Variants in AUTS2 observed in about 807,000 individuals in gnomAD.
The protein encoded by AUTS2 is autism susceptibility gene 2 protein.
A neutral mutation model predicts 112.4 loss-of-function variants in AUTS2; 17 were observed. The ratio of observed to expected loss-of-function variants is 0.15; its 90% CI spans 0.10 to 0.23. The LOEUF (loss-of-function observed/expected upper bound fraction) is 0.23, where lower values mean the gene tolerates loss of function less well. Among genes scored for constraint, AUTS2 ranks in the 10% least tolerant of loss-of-function variants. The probability of loss-of-function intolerance (pLI) is 1.00; values close to 1 mark genes in which losing one functional copy is unlikely to be tolerated. For synonymous variants in AUTS2, 751 were observed against 702.7 expected, an observed-to-expected ratio of 1.07 and a Z score of -1.09; for missense variants, 1,510 against 1,701.6, an observed-to-expected ratio of 0.89 and a Z score of 1.98.
intron 17 of AUTS2, 33 bp downstream of exon 17, chr7:70,786,071 G>A (rs866210744): frequency 2.5e-6 from 4 of 1,581,026 alleles, no homozygotes; most frequent in Middle Eastern, 3.3e-4. Context: ...AATCTGCCTT[G>A]GACTTTTTAT....
intron 4 of AUTS2, among the ~76,000 whole-genome samples, chr7:70,139,362 G>A (rs543384480): frequency 6.6e-6 from 1 of 152,226 alleles, no homozygotes; most frequent in South Asian, 2.1e-4. Context: ...AGTGGTGCTT[G>A]CGGCTGCAAC....
chr7:70,752,364 C>A (rs188051518), intron 6 of AUTS2, among the ~76,000 whole-genome samples: 36 of 152,238 alleles, frequency 2.4e-4, no homozygotes, highest in Non-Finnish European at 1.5e-4. Flanking sequence ...ATCCTTCATA[C>A]CTTATTTCTC....
chr7:69,762,406 C>A (rs1354166927), intron 1 of AUTS2, among the ~76,000 whole-genome samples: 2 of 145,306 alleles, frequency 1.4e-5, no homozygotes, highest in Non-Finnish European at 3.0e-5. Context: ...TCCCTGGCTC[C>A]AGTGATCCTT....
chr7:70,511,096 G>T (rs1258960591), intron 5 of AUTS2, among the ~76,000 whole-genome samples: 1 of 152,034 alleles, frequency 6.6e-6, no homozygotes, highest in Admixed American at 6.6e-5. Flanking sequence ...TTATCTGCCC[G>T]CCTCAGCCTC....
chr7:70,073,493 A>G (rs1584678373), intron 2 of AUTS2, among the ~76,000 whole-genome samples: 1 of 150,670 alleles, frequency 6.6e-6, no homozygotes, highest in South Asian at 2.1e-4. Context: ...CCTGGGTGAC[A>G]AAGTGAGACC....
intron 4 of AUTS2, among the ~76,000 whole-genome samples, chr7:70,409,039 A>C (rs185971360): frequency 1.4e-3 from 214 of 152,348 alleles, no homozygotes; most frequent in African/African-American, 5.0e-3. Flanking sequence ...GGCACGTCAC[A>C]TGAAGGAACA....
intron 2 of AUTS2, among the ~76,000 whole-genome samples, chr7:70,028,845 A>G (rs1052684250): frequency 6.6e-6 from 1 of 152,174 alleles, no homozygotes; most frequent in Non-Finnish European, 1.5e-5. Context: ...ATATCCCTCA[A>G]GGCTCTCTAT....
chr7:70,544,054 A>G (rs1396113802), intron 5 of AUTS2, among the ~76,000 whole-genome samples: 2 of 152,210 alleles, frequency 1.3e-5, no homozygotes, highest in Admixed American at 6.5e-5. Context: ...CTTCTGTCAG[A>G]AGGAGAATGT....
chr7:70,581,636 C>T (rs1413004444), intron 5 of AUTS2, among the ~76,000 whole-genome samples: 1 of 152,020 alleles, frequency 6.6e-6, no homozygotes, highest in African/African-American at 2.4e-5. Context: ...TGTTACCCAC[C>T]ACAGTACTCT....
At chr7:70,197,467 G>T (rs1183744305) in intron 4 of AUTS2, among the ~76,000 whole-genome samples, 3 of 141,276 alleles carry the variant, frequency 2.1e-5, no homozygotes, top group Non-Finnish European at 4.6e-5. Flanking sequence ...GACAGTGGGC[G>T]CAGGCCAGTG....
intron 18 of AUTS2, among the ~76,000 whole-genome samples, chr7:70,789,517 C>T (rs1480094047): frequency 2.0e-5 from 3 of 152,084 alleles, no homozygotes; most frequent in Admixed American, 6.6e-5. Context: ...CAGACTCCCC[C>T]TCACCCTCAT....
chr7:69,805,691 C>T (rs1365318343), intron 1 of AUTS2, among the ~76,000 whole-genome samples: 2 of 152,138 alleles, frequency 1.3e-5, no homozygotes, highest in Non-Finnish European at 2.9e-5. Flanking sequence ...AAAAATTATG[C>T]AGTATCAAGG....
chr7:69,858,384 G>A (rs1792828714), intron 1 of AUTS2, among the ~76,000 whole-genome samples: 1 of 152,104 alleles, frequency 6.6e-6, no homozygotes, highest in East Asian at 1.9e-4. Context: ...TTTTTAATTT[G>A]CAAGCTAAAT....
chr7:70,439,622 G>A (rs962866882), intron 5 of AUTS2, among the ~76,000 whole-genome samples: 14 of 150,206 alleles, frequency 9.3e-5, no homozygotes, highest in African/African-American at 3.2e-4. Context: ...ATGTGGGATT[G>A]TTCTTCACTG....
At chr7:69,894,271 T>G (rs1008770730) in intron 1 of AUTS2, among the ~76,000 whole-genome samples, 2 of 119,584 alleles carry the variant, frequency 1.7e-5, no homozygotes, top group African/African-American at 5.8e-5. Context: ...TTTTTTTTTT[T>G]TTTTTTTAAC....
At chr7:70,068,132 C>T (rs1159041844) in intron 2 of AUTS2, among the ~76,000 whole-genome samples, 1 of 150,690 alleles carries the variant, frequency 6.6e-6, no homozygotes, top group Non-Finnish European at 1.5e-5. Context: ...TGTTTACAGT[C>T]AGTGATTATG....
At chr7:70,114,910 T>C (rs1481322104) in intron 2 of AUTS2, among the ~76,000 whole-genome samples, 1 of 152,266 alleles carries the variant, frequency 6.6e-6, no homozygotes, top group East Asian at 1.9e-4. Flanking sequence ...GTTCATTTCT[T>C]TGAAATATTG....
chr7:70,536,938 G>A (rs1478541752), intron 5 of AUTS2, among the ~76,000 whole-genome samples: 1 of 152,036 alleles, frequency 6.6e-6, no homozygotes, highest in Non-Finnish European at 1.5e-5. Flanking sequence ...AGTAATAACA[G>A]GAAGGAATGT....
In AUTS2 at chr7:70,084,162, C is replaced by T. The variant is rs113569647; in HGVS notation, c.523-33970C>T. Among the ~76,000 whole-genome samples, 245 of 152,224 alleles carry T rather than the reference C, an allele frequency of 1.6e-3. 6 individuals carry two copies. Among genetic ancestry groups the T allele is most frequent in the African/African-American group, 5.6e-3 (231 of 41,544 alleles). On this transcript the variant is annotated intron_variant, in intron 2 of 18. Coordinates refer to ENST00000342771, the MANE Select transcript of AUTS2 (RefSeq NM_015570.4). The stretch of plus-strand genomic sequence containing the variant: ...TTTTTCTAGAATTGCATATAAATGG[C>T]ATTACATAGCACATACTGTTTGTCC...
Sources: gnomAD v4.1 joint callset for allele counts (sites outside exome capture counted in the v4.1 genomes callset) on GRCh38, gnomAD v4.1.1 for gene constraint, MANE v1.5 for transcripts, NCBI Gene and HGNC (gene_info 2026-07-23, HGNC 2026-07-21) for gene names.